The following HACE1 variants were observed in gnomAD, a reference collection of about 807,000 sequenced individuals.
HACE1 encodes HECT domain and ankyrin repeat containing E3 ubiquitin protein ligase 1.
A neutral mutation model predicts 118.4 loss-of-function variants in HACE1; 73 were observed. The ratio of observed to expected loss-of-function variants is 0.62; its 90% CI spans 0.51 to 0.75. The LOEUF is 0.75. Ranked by LOEUF, HACE1 falls within the 30% of genes least tolerant of loss-of-function variation. The pLI is 0.00. For synonymous variants in HACE1, 368 were observed against 374.8 expected, an observed-to-expected ratio of 0.98 and a Z score of 0.21; for missense variants, 749 against 1,102.2, an observed-to-expected ratio of 0.68 and a Z score of 4.54.
Position 104,730,343 on chromosome 6 carries a change from C to G in HACE1, c.2587G>C (p.Val863Leu), listed in dbSNP as rs1775067770. Reference protein sequence around the residue: ...SGLQNFTIAAVPYTPNLLPTS... With the variant: ...SGLQNFTIAALPYTPNLLPTS... ...GGTAAAAGATTTGGAGTATATGGCA[C>G]AGCAGCGATTGTAAAGTTTTGCAAT... The change falls in exon 23 of 24, where the codon GTG becomes CTG. Residue 863 changes from valine (V) to leucine (L), a missense_variant. Val to Leu is a conservative substitution (Grantham distance 32). This residue lies in a region of HACE1 where 165 missense variants were observed against 229.9 expected (regional missense o/e 0.72). Transcript: ENST00000262903. 1.9e-6 allele frequency: 3 copies of G among 1,597,214 alleles called. No individual in the cohort carries two copies. Among genetic ancestry groups the G allele is most frequent in the Non-Finnish European group, 1.7e-6 (2 of 1,164,526 alleles).
In HACE1 at chr6:104,770,051, C is replaced by G. The variant is rs1050298343; in HGVS notation, c.2211+1142G>C. On this transcript the variant is annotated intron_variant, in intron 19 of 23. Transcript: ENST00000262903. ...GGGAGGTATTATTATTCCAATTCTA[C>G]AGAAAACTGAGTTCGAAGAATTGTT... Among the ~76,000 whole-genome samples, 22 of 152,206 alleles carry G rather than the reference C, an allele frequency of 1.4e-4. No individual in the cohort carries two copies. The East Asian group carries it at 4.2e-3, about 29-fold the overall frequency.
intron 22 of HACE1, 109 bp downstream of exon 22, chr6:104,744,051 G>A (rs2114510114): frequency 1.3e-6 from 1 of 743,234 alleles, no homozygotes; most frequent in Non-Finnish European, 2.4e-6. Context: ...GGAAAGGGTG[G>A]TAAGTTACTG....
intron 11 of HACE1, among the ~76,000 whole-genome samples, chr6:104,790,066 A>C (rs926761720): frequency 2.7e-5 from 4 of 150,618 alleles, no homozygotes; most frequent in African/African-American, 9.7e-5. Flanking sequence ...GTGGCACAAT[A>C]AGAAAAAAAA....
intron 22 of HACE1, among the ~76,000 whole-genome samples, chr6:104,743,814 G>A (rs1375141723): frequency 7.6e-6 from 1 of 132,422 alleles, no homozygotes; most frequent in Non-Finnish European, 1.6e-5. Context: ...AACCAAACCA[G>A]CAATATACAA....
At chr6:104,750,293 AGTTTTTTGTTGTT>A (rs753074968) in intron 20 of HACE1, 35 bp downstream of exon 20, 2 of 1,497,586 alleles carry the variant, frequency 1.3e-6, no homozygotes, top group African/African-American at 2.8e-5. Flanking sequence ...CATCAACTAG[AGTTTTTTGTTGTT>A]GTGTTACAAC....
At chr6:104,842,339 C>G (rs1056493779) in intron 5 of HACE1, 1 of 152,372 alleles carries the variant, frequency 6.6e-6, no homozygotes, top group African/African-American at 2.4e-5. Context: ...GGCACAGCAG[C>G]TCACACCTGT....
chr6:104,744,061 G>A, intron 22 of HACE1, 99 bp downstream of exon 22: 1 of 782,928 alleles, frequency 1.3e-6, no homozygotes, highest in East Asian at 2.5e-5. Context: ...GTAAGTTACT[G>A]ACAATTCAGA....
intron 6 of HACE1, among the ~76,000 whole-genome samples, chr6:104,828,218 AACTGAAAT>A (rs1389557908): frequency 1.3e-5 from 2 of 152,060 alleles, no homozygotes; most frequent in African/African-American, 4.8e-5. Flanking sequence ...AACTTGCTAA[AACTGAAAT>A]TAAAAAACAA....
chr6:104,831,920 G>GAAGAGAAGAGAAGAGAAGAGAAGAGAA (rs1263093393), intron 6 of HACE1, among the ~76,000 whole-genome samples: 4 of 65,298 alleles, frequency 6.1e-5, no homozygotes, highest in Non-Finnish European at 1.5e-4. Context: ...AAAAGAGAAA[G>GAAGAGAAGAGAAGAGAAGAGAAGAGAA]AAGAGAAGAG....
At chr6:104,743,015 A>T (rs1161850041) in intron 22 of HACE1, among the ~76,000 whole-genome samples, 1 of 152,174 alleles carries the variant, frequency 6.6e-6, no homozygotes, top group Non-Finnish European at 1.5e-5. Flanking sequence ...CTTCGTAGGG[A>T]CATGGATGAA....
intron 22 of HACE1, among the ~76,000 whole-genome samples, chr6:104,743,463 T>C (rs930056954): frequency 6.6e-6 from 1 of 152,028 alleles, no homozygotes; most frequent in African/African-American, 2.4e-5. Flanking sequence ...TCTAATTTTC[T>C]ATTTTCTAAC....
At chr6:104,829,157 T>C (rs939112988) in intron 6 of HACE1, among the ~76,000 whole-genome samples, 1 of 152,150 alleles carries the variant, frequency 6.6e-6, no homozygotes, top group African/African-American at 2.4e-5. Context: ...TATGTCTACA[T>C]GGACACCAGT....
chr6:104,835,735 A>T (rs1015147281), intron 5 of HACE1, among the ~76,000 whole-genome samples: 34 of 152,210 alleles, frequency 2.2e-4, no homozygotes, highest in Non-Finnish European at 1.5e-5. Context: ...AATATTATCC[A>T]TCGAAATGGA....
Position 104,851,004 on chromosome 6 carries a change from A to G in HACE1, c.132-8T>C. On this transcript the variant is annotated splice_polypyrimidine_tract_variant and splice_region_variant and intron_variant, in intron 2 of 23. Transcript: ENST00000262903. ...AGTAGTTCAGAAACAGACCTATGCC[A>G]AAATAAAAATGAGGAATCAAGTGTA... 6.6e-7 allele frequency: 1 copy of G among 1,519,190 alleles called. No individual in the cohort carries two copies. The highest frequency in any genetic ancestry group is 9.1e-7 in the Non-Finnish European group (1 of 1,093,070). 94.1% of individuals were successfully genotyped at this position (1,519,190 alleles called of 1,614,324 possible).
chr6:104,743,793 C>A (rs1016399005), intron 22 of HACE1, among the ~76,000 whole-genome samples: 8 of 151,168 alleles, frequency 5.3e-5, no homozygotes, highest in African/African-American at 2.0e-4. Flanking sequence ...AACTGAATTG[C>A]CTTACTATTA....
chr6:104,844,159 T>C (rs1775393195), intron 4 of HACE1, among the ~76,000 whole-genome samples: 2 of 148,042 alleles, frequency 1.4e-5, no homozygotes. Context: ...TGCCTCAGCC[T>C]CCCAAGCAGC....
intron 6 of HACE1, among the ~76,000 whole-genome samples, chr6:104,823,342 G>A (rs1037247486): frequency 1.2e-4 from 18 of 151,790 alleles, no homozygotes; most frequent in African/African-American, 4.1e-4. Flanking sequence ...GCTGACGCAG[G>A]AGAATCGCTT....
At chr6:104,743,669 A>G (rs1438617520) in intron 22 of HACE1, among the ~76,000 whole-genome samples, 1 of 151,954 alleles carries the variant, frequency 6.6e-6, no homozygotes, top group Non-Finnish European at 1.5e-5. Context: ...TGAACTTTTC[A>G]GAGAAGTGTA....
chr6:104,840,306 CA>C (rs974730429), intron 5 of HACE1, among the ~76,000 whole-genome samples: 2 of 151,952 alleles, frequency 1.3e-5, no homozygotes, highest in Non-Finnish European at 2.9e-5. Flanking sequence ...TTCGTGTACT[CA>C]AAAAAATAAT....
Sources: gnomAD v4.1 joint callset for allele counts (sites outside exome capture counted in the v4.1 genomes callset) on GRCh38, gnomAD v4.1.1 for gene constraint, gnomAD v4.1.1 regional missense constraint, MANE v1.5 for transcripts, NCBI Gene and HGNC (gene_info 2026-07-23, HGNC 2026-07-21) for gene names.